Variants in FNTB observed in about 807,000 individuals in gnomAD.
The protein encoded by FNTB is farnesyltransferase, CAAX box, subunit beta.
A neutral mutation model predicts 59.4 loss-of-function variants in FNTB; 27 were observed. That is an observed-to-expected ratio of 0.45 (90% CI 0.34 to 0.63). The LOEUF (loss-of-function observed/expected upper bound fraction) is 0.63. Among genes scored for constraint, FNTB ranks in the 20% least tolerant of loss-of-function variants. The pLI, the probability that FNTB is intolerant of heterozygous loss-of-function variation, is 0.02. For synonymous variants in FNTB, 230 were observed against 220.7 expected (o/e 1.04, Z -0.37); for missense variants, 449 against 559.6 (o/e 0.80, Z 1.99).
chr14:65,051,358 C>G (rs940374859), intron 9 of FNTB, among the ~76,000 whole-genome samples: 1 of 152,096 alleles, frequency 6.6e-6, no homozygotes. Flanking sequence ...GCCTGTAATC[C>G]CAGTACTTTG....
chr14:65,045,925 C>T (rs1171706453), intron 9 of FNTB, among the ~76,000 whole-genome samples: 1 of 152,226 alleles, frequency 6.6e-6, no homozygotes, highest in Admixed American at 6.5e-5. Flanking sequence ...GGAGCCTGCA[C>T]AGTCTCTGCC....
intron 1 of FNTB, among the ~76,000 whole-genome samples, chr14:64,989,416 G>C (rs1407795552): frequency 6.6e-6 from 1 of 151,734 alleles, no homozygotes; most frequent in Non-Finnish European, 1.5e-5. Flanking sequence ...ACTCTAGCCT[G>C]GGCAACAGAG....
intron 7 of FNTB, among the ~76,000 whole-genome samples, chr14:65,033,973 A>G (rs1013914591): frequency 1.3e-5 from 2 of 152,256 alleles, no homozygotes; most frequent in African/African-American, 4.8e-5. Flanking sequence ...ATGTATTACC[A>G]TATAAATATA....
At chr14:65,061,035 T>C in intron 11 of FNTB, 146 bp from the exon 12 acceptor site, 1 of 1,325,458 alleles carries the variant, frequency 7.5e-7, no homozygotes, top group South Asian at 1.5e-5. Context: ...TTTTAGCAAA[T>C]ACACCATTTT....
intron 11 of FNTB, among the ~76,000 whole-genome samples, chr14:65,058,256 ATT>A (rs202128758): frequency 1.6e-5 from 2 of 127,532 alleles, no homozygotes. Context: ...AAGGACTAGC[ATT>A]TTTTTTTTTT....
intron 3 of FNTB, chr14:65,015,409 T>C: frequency 2.5e-6 from 1 of 397,154 alleles, no homozygotes; most frequent in African/African-American, 2.1e-5. Flanking sequence ...AGCCTTGTTA[T>C]CTTTTTTTTT....
At chr14:65,048,325 T>TAAA (rs59114641) in intron 9 of FNTB, among the ~76,000 whole-genome samples, 2 of 145,116 alleles carry the variant, frequency 1.4e-5, no homozygotes, top group Non-Finnish European at 1.5e-5. Flanking sequence ...ACTGTGCCTT[T>TAAA]AAAAAAAAAA....
chr14:65,037,726 C>CTTAT (rs202087492), intron 7 of FNTB, among the ~76,000 whole-genome samples: 1,794 of 117,370 alleles, frequency 0.015, 72 homozygotes, highest in Non-Finnish European at 0.016. Context: ...TGCCCAGCCT[C>CTTAT]TTATTTATTT....
At chr14:65,048,579 ATGG>A (rs777453017) in intron 9 of FNTB, among the ~76,000 whole-genome samples, 4 of 152,192 alleles carry the variant, frequency 2.6e-5, no homozygotes, top group African/African-American at 4.8e-5. Context: ...AATGCTGGAC[ATGG>A]TGGTTCATGA....
In FNTB at chr14:65,054,753, A is replaced by C; in HGVS notation, c.1182+64A>C. 1 of 1,513,882 alleles carries C rather than the reference A, an allele frequency of 6.6e-7. No homozygotes were observed. Among genetic ancestry groups the C allele is most frequent in the Non-Finnish European group, 9.0e-7 (1 of 1,114,068 alleles). 93.8% of individuals were successfully genotyped at this position (1,513,882 alleles called of 1,614,324 possible). On this transcript the variant is annotated intron_variant, in intron 11 of 11. Coordinates refer to ENST00000246166, the MANE Select transcript of FNTB (RefSeq NM_002028.4). This position sits in a 1 kb window ranked among gnomAD's most constrained non-coding sequence, Gnocchi z 4.4. ...GGACCTCGCGGACAGAAGGCTTTCCAAGTAAGCAGAACTGGCTCTGCATTT... is the reference window on the plus strand; with the variant it reads ...GGACCTCGCGGACAGAAGGCTTTCCCAGTAAGCAGAACTGGCTCTGCATTT...
chr14:65,042,752 A>C (rs141002284), intron 8 of FNTB, among the ~76,000 whole-genome samples: 5 of 152,326 alleles, frequency 3.3e-5, no homozygotes, highest in Non-Finnish European at 7.3e-5. Flanking sequence ...AAAGTAAATT[A>C]GTCTGCTTAA....
intron 7 of FNTB, among the ~76,000 whole-genome samples, chr14:65,039,115 G>A (rs574035714): frequency 6.6e-6 from 1 of 152,320 alleles, no homozygotes; most frequent in East Asian, 1.9e-4. Context: ...TAAGGATCCA[G>A]CACTGAAAAG....
intron 7 of FNTB, among the ~76,000 whole-genome samples, chr14:65,035,808 A>G (rs1490359197): frequency 6.6e-6 from 1 of 151,432 alleles, no homozygotes; most frequent in East Asian, 1.9e-4. Context: ...TTCAAGGATT[A>G]CAGGCATGAG....
intron 1 of FNTB, among the ~76,000 whole-genome samples, chr14:64,989,403 G>A (rs1323611265): frequency 1.3e-5 from 2 of 151,520 alleles, no homozygotes; most frequent in African/African-American, 2.4e-5. Flanking sequence ...ATCGAGCCAC[G>A]GTACTCTAGC....
rs1454894674 is a variant in FNTB at position 65,011,156 on chromosome 14, C to A, written c.210-1161C>A. Reference sequence around the variant, plus strand: ...TAAAGACTACATGAAGGGCTGGGTGCGGTGGCTCACGCCTGTAATCCCAGC... The same window carrying A: ...TAAAGACTACATGAAGGGCTGGGTGAGGTGGCTCACGCCTGTAATCCCAGC... On this transcript the variant is annotated intron_variant, in intron 2 of 11. Coordinates refer to ENST00000246166, the MANE Select transcript of FNTB (RefSeq NM_002028.4). The surrounding 1 kb of genome is among the most constrained non-coding windows in gnomAD (Gnocchi z 4.0). Among the ~76,000 whole-genome samples the A allele has an allele frequency of 6.6e-6, 1 of 152,132 alleles. No homozygotes were observed. The highest frequency in any genetic ancestry group is 1.5e-5 in the Non-Finnish European group (1 of 68,038).
intron 1 of FNTB, 35 bp from the exon 2 acceptor site, chr14:65,004,214 T>C: frequency 1.9e-6 from 3 of 1,605,634 alleles, no homozygotes; most frequent in Non-Finnish European, 2.5e-6. Context: ...CATCTGTATT[T>C]GTTTTCTCTC....
intron 1 of FNTB, among the ~76,000 whole-genome samples, chr14:64,989,314 TGCACCTGTA>T (rs1311173789): frequency 7.0e-6 from 1 of 142,664 alleles, no homozygotes; most frequent in Admixed American, 7.1e-5. Context: ...CGTGGTGGCA[TGCACCTGTA>T]GTCCCAGCTA....
chr14:65,038,007 C>T (rs1305602122), intron 7 of FNTB, among the ~76,000 whole-genome samples: 2 of 151,974 alleles, frequency 1.3e-5, no homozygotes, highest in African/African-American at 4.8e-5. Flanking sequence ...TCAAATGATC[C>T]TCCTGCCTTG....
At chr14:65,060,692 C>T (rs1316646366) in intron 11 of FNTB, among the ~76,000 whole-genome samples, 4 of 41,058 alleles carry the variant, frequency 9.7e-5, no homozygotes, top group Non-Finnish European at 1.6e-4. Context: ...CGAGAGACTC[C>T]GTCTCAAAAA....
Sources: gnomAD v4.1 joint callset for allele counts (sites outside exome capture counted in the v4.1 genomes callset) on GRCh38, gnomAD v4.1.1 for gene constraint, Gnocchi (gnomAD v3.1) non-coding constraint, MANE v1.5 for transcripts, NCBI Gene and HGNC (gene_info 2026-07-23, HGNC 2026-07-21) for gene names.